MBNL2: variants seen among roughly 807,000 people sequenced by gnomAD.
MBNL2 encodes muscleblind-like protein 2.
MBNL2 carries 17 observed loss-of-function variants against 41.9 expected under a neutral mutation model. The ratio of observed to expected loss-of-function variants is 0.41; its 90% CI spans 0.28 to 0.61. The LOEUF (loss-of-function observed/expected upper bound fraction) is 0.61, where lower values mean the gene tolerates loss of function less well. MBNL2 is among the 20% of genes least tolerant of loss of function. MBNL2 has a pLI of 0.35. For synonymous variants in MBNL2, 195 were observed against 182.9 expected, an observed-to-expected ratio of 1.07 and a Z score of -0.53; for missense variants, 336 against 505.6, an observed-to-expected ratio of 0.66 and a Z score of 3.22.
chr13:97,392,800 AAAC>A lies in MBNL2; in HGVS notation c.*1354_*1356del, dbSNP rs2066414028. 1 of 152,516 alleles carries A rather than the reference AAAC, an allele frequency of 6.6e-6. No individual in the cohort carries two copies. The highest frequency in any genetic ancestry group is 2.4e-5 in the African/African-American group (1 of 41,454). 9.4% of individuals were successfully genotyped at this position (152,516 alleles called of 1,614,324 possible). On this transcript the variant is annotated 3_prime_UTR_variant, in exon 9 of 9. Coordinates refer to ENST00000679496, the MANE Select transcript of MBNL2 (RefSeq NM_001382683.1). ...CATAGTTTTTAAATTATTGTTTAAA[AAAC>A]AAAACAGCTGTTATAAATGAATATT...
the MBNL2 span, among the ~76,000 whole-genome samples, chr13:97,162,759 G>T: frequency 6.6e-6 from 1 of 152,216 alleles, no homozygotes; most frequent in Admixed American, 6.5e-5. Context: ...TCACAGGAGT[G>T]TAAACCTATG....
intron 1 of MBNL2, among the ~76,000 whole-genome samples, chr13:97,238,382 T>TGAG (rs1213977143): frequency 6.6e-6 from 1 of 152,016 alleles, no homozygotes; most frequent in Non-Finnish European, 1.5e-5. Context: ...TCATCCAAGG[T>TGAG]GAGGGCACCT....
chr13:97,181,238 G>A, the MBNL2 span, among the ~76,000 whole-genome samples: 1 of 152,102 alleles, frequency 6.6e-6, no homozygotes, highest in African/African-American at 2.4e-5. Flanking sequence ...GACCCTGAAT[G>A]TAATCACATC....
At chr13:97,296,269 A>T (rs1594173120) in intron 2 of MBNL2, among the ~76,000 whole-genome samples, 1 of 152,214 alleles carries the variant, frequency 6.6e-6, no homozygotes, top group Non-Finnish European at 1.5e-5. Flanking sequence ...TAGCCAGTCC[A>T]AGACATTTGT....
At chr13:97,380,424 G>A (rs1226194890) in intron 8 of MBNL2, among the ~76,000 whole-genome samples, 4 of 152,074 alleles carry the variant, frequency 2.6e-5, no homozygotes, top group Non-Finnish European at 4.4e-5. Context: ...GACCTGGGAG[G>A]CAGAGGTTGC....
intron 7 of MBNL2, among the ~76,000 whole-genome samples, chr13:97,359,734 A>G (rs1433728405): frequency 1.3e-5 from 2 of 152,204 alleles, no homozygotes. Flanking sequence ...AGTGGGTCCT[A>G]GCGCACCAAT....
intron 2 of MBNL2, among the ~76,000 whole-genome samples, chr13:97,286,183 T>G (rs544148903): frequency 6.6e-6 from 1 of 152,364 alleles, no homozygotes; most frequent in South Asian, 2.1e-4. Context: ...ACTTGGATAT[T>G]TATTTAATGA....
intron 1 of MBNL2, among the ~76,000 whole-genome samples, chr13:97,240,425 G>A (rs899301194): frequency 6.6e-6 from 1 of 152,162 alleles, no homozygotes; most frequent in Non-Finnish European, 1.5e-5. Flanking sequence ...TTAATTACAT[G>A]AGAAAGTACT....
the MBNL2 span, among the ~76,000 whole-genome samples, chr13:97,173,134 C>T: frequency 3.3e-5 from 5 of 152,122 alleles, no homozygotes; most frequent in Non-Finnish European, 4.4e-5. Context: ...AATAATATAA[C>T]GATGAATGGA....
At chr13:97,243,119 C>T (rs901316174) in intron 1 of MBNL2, among the ~76,000 whole-genome samples, 1 of 152,222 alleles carries the variant, frequency 6.6e-6, no homozygotes, top group Non-Finnish European at 1.5e-5. Context: ...CAGCGGTGGC[C>T]AGTGGCAGGC....
chr13:97,229,223 A>G (rs1474757428), intron 1 of MBNL2, among the ~76,000 whole-genome samples: 1 of 150,996 alleles, frequency 6.6e-6, no homozygotes, highest in Non-Finnish European at 1.5e-5. Context: ...TATAATTTTC[A>G]GTGTTCTCAG....
At chr13:97,316,292 G>A (rs918617161) in intron 2 of MBNL2, among the ~76,000 whole-genome samples, 28 of 152,236 alleles carry the variant, frequency 1.8e-4, no homozygotes, top group South Asian at 6.2e-4. Flanking sequence ...CTGAGCCACC[G>A]TCTTCTTCCC....
intron 8 of MBNL2, among the ~76,000 whole-genome samples, chr13:97,368,851 T>G (rs1435210387): frequency 6.6e-6 from 1 of 152,152 alleles, no homozygotes; most frequent in Non-Finnish European, 1.5e-5. Context: ...GGTTTCAACT[T>G]CTTTAATTGC....
At chr13:97,233,742 C>T (rs2042802524) in intron 1 of MBNL2, among the ~76,000 whole-genome samples, 1 of 151,448 alleles carries the variant, frequency 6.6e-6, no homozygotes, top group South Asian at 2.1e-4. Context: ...ATCAAAGGGA[C>T]TGGCTGCCTC....
chr13:97,324,758 G>A (rs913916965), intron 2 of MBNL2, among the ~76,000 whole-genome samples: 2 of 152,134 alleles, frequency 1.3e-5, no homozygotes, highest in Non-Finnish European at 2.9e-5. Flanking sequence ...CCAAAGGTCC[G>A]AGAGCCCCTG....
the MBNL2 span, among the ~76,000 whole-genome samples, chr13:97,161,895 G>A: frequency 1.3e-5 from 2 of 152,100 alleles, no homozygotes; most frequent in African/African-American, 4.8e-5. Flanking sequence ...CAGGATACAG[G>A]GTCTGAGGAG....
intron 8 of MBNL2, among the ~76,000 whole-genome samples, chr13:97,377,943 T>A (rs1247035156): frequency 6.6e-6 from 1 of 152,200 alleles, no homozygotes; most frequent in Non-Finnish European, 1.5e-5. Context: ...GCTGCTTATG[T>A]GGAACTTATG....
At chr13:97,342,114 ATTACT>A (rs889104810) in intron 3 of MBNL2, among the ~76,000 whole-genome samples, 28 of 152,372 alleles carry the variant, frequency 1.8e-4, no homozygotes, top group African/African-American at 6.3e-4. Context: ...AGAATTTTAA[ATTACT>A]TAACAAGGTT....
intron 1 of MBNL2, among the ~76,000 whole-genome samples, chr13:97,261,638 C>T (rs1793609744): frequency 6.6e-6 from 1 of 152,204 alleles, no homozygotes; most frequent in African/African-American, 2.4e-5. Context: ...CTTTCTCTTT[C>T]CCTGCCATCT....
Sources: gnomAD v4.1 joint callset for allele counts (sites outside exome capture counted in the v4.1 genomes callset) on GRCh38, gnomAD v4.1.1 for gene constraint, MANE v1.5 for transcripts, NCBI Gene and HGNC (gene_info 2026-07-23, HGNC 2026-07-21) for gene names.